The following KIF26B variants were observed in gnomAD, a reference collection of about 807,000 sequenced individuals.
KIF26B encodes the protein kinesin family member 26B.
A neutral mutation model predicts 151.2 loss-of-function variants in KIF26B; 63 were observed. The ratio of observed to expected loss-of-function variants is 0.42; its 90% CI spans 0.34 to 0.51. The LOEUF is 0.51. KIF26B is among the 20% of genes least tolerant of loss of function. The pLI is 0.07. For missense variants in KIF26B, 2,813 were observed against 2,913.6 expected, an observed-to-expected ratio of 0.97 and a Z score of 0.79; for synonymous variants, 1,357 against 1,262.1, an observed-to-expected ratio of 1.08 and a Z score of -1.59.
chr1:245,560,922 C>T lies in KIF26B; in HGVS notation c.1350+19972C>T, dbSNP rs1445714086. Among the ~76,000 whole-genome samples, 1 of 152,198 alleles carries T rather than the reference C, an allele frequency of 6.6e-6. No homozygotes were observed. Among genetic ancestry groups the T allele is most frequent in the Non-Finnish European group, 1.5e-5 (1 of 68,040 alleles). On this transcript the variant is annotated intron_variant, in intron 5 of 14. Transcript: ENST00000407071. This position sits in a 1 kb window ranked among gnomAD's most constrained non-coding sequence, Gnocchi z 4.3. ...ATTGCAGCCCCTAAGGGGAGCCGTGCTAAGGTGTGATACAGGCCATGCCCC... is the reference window on the plus strand; with the variant it reads ...ATTGCAGCCCCTAAGGGGAGCCGTGTTAAGGTGTGATACAGGCCATGCCCC...
At chr1:245,699,087 C>A in intron 14 of KIF26B, 50 bp downstream of exon 14, 2 of 1,580,446 alleles carry the variant, frequency 1.3e-6, no homozygotes, top group Non-Finnish European at 1.7e-6. Flanking sequence ...TTCACCTGCT[C>A]AACCGGGCTG....
intron 3 of KIF26B, among the ~76,000 whole-genome samples, chr1:245,374,837 C>T: frequency 6.6e-6 from 1 of 152,096 alleles, no homozygotes; most frequent in East Asian, 1.9e-4. Context: ...GGTGAAATTC[C>T]AAAAGGGTAG....
intron 4 of KIF26B, among the ~76,000 whole-genome samples, chr1:245,450,079 A>G (rs149895558): frequency 2.0e-5 from 3 of 152,198 alleles, no homozygotes; most frequent in Admixed American, 6.5e-5. Flanking sequence ...CTGAACTACA[A>G]TTGGTGTGTA....
rs567736167 is a variant in KIF26B at position 245,687,542 on chromosome 1, T to C, written c.4559T>C (p.Leu1520Ser). 1 of 1,568,588 alleles carries C rather than the reference T, an allele frequency of 6.4e-7. No individual in the cohort carries two copies. The highest frequency in any genetic ancestry group is 1.4e-5 in the African/African-American group (1 of 73,866). Residue 1520 changes from leucine (L) to serine (S), a missense_variant, in exon 12 of 15, where the codon TTG becomes TCG. Around this residue, in one of 3 missense-constraint regions of KIF26B, gnomAD observed 2,060 missense variants for 2,088.6 expected, o/e 0.99. Transcript: ENST00000407071. The surrounding 1 kb of genome is among the most constrained non-coding windows in gnomAD (Gnocchi z 4.9). ...VDGCEMALPG[L>S]ATQSPVHPNK... ...GGGTGTGAGATGGCCCTGCCCGGTT[T>C]GGCCACCCAGAGCCCCGTGCATCCC... is the stretch of plus-strand genomic sequence containing the variant.
Position 245,184,474 on chromosome 1 carries a change from A to G in KIF26B, c.465+27791A>G, listed in dbSNP as rs181951964. On this transcript the variant is annotated intron_variant, in intron 2 of 14. Transcript: ENST00000407071. The stretch of plus-strand genomic sequence containing the variant: ...GTCATCTGTGCACACAGGTACACAA[A>G]TGTGTCTTTATAATCTCTGGGGAAG... 2.0e-5 allele frequency among the ~76,000 whole-genome samples: 3 copies of G among 152,242 alleles called. 1 individual carries two copies. In the East Asian group the frequency reaches 5.8e-4, roughly 29 times the overall value.
At chr1:245,366,088 C>G (rs1301315279) in intron 2 of KIF26B, among the ~76,000 whole-genome samples, 1 of 152,214 alleles carries the variant, frequency 6.6e-6, no homozygotes, top group Non-Finnish European at 1.5e-5. Flanking sequence ...CTGCAACTAA[C>G]TTTCTGTGGT....
chr1:245,275,778 A>G (rs1236963143), intron 2 of KIF26B, among the ~76,000 whole-genome samples: 2 of 152,096 alleles, frequency 1.3e-5, no homozygotes, highest in African/African-American at 4.8e-5. Flanking sequence ...TCATTTTCCT[A>G]TCTAGCATCC....
intron 2 of KIF26B, among the ~76,000 whole-genome samples, chr1:245,280,362 A>C (rs1233705355): frequency 1.8e-5 from 2 of 109,552 alleles, no homozygotes; most frequent in African/African-American, 8.0e-5. Flanking sequence ...AATACAAAAA[A>C]TACAAAAAAA....
intron 2 of KIF26B, among the ~76,000 whole-genome samples, chr1:245,327,477 A>T (rs1002538084): frequency 6.6e-6 from 1 of 152,128 alleles, no homozygotes; most frequent in Non-Finnish European, 1.5e-5. Flanking sequence ...TCTGCTCCCC[A>T]AACTTTTAGC....
At chr1:245,325,112 GAAAA>G (rs1188471553) in intron 2 of KIF26B, among the ~76,000 whole-genome samples, 1 of 123,048 alleles carries the variant, frequency 8.1e-6, no homozygotes, top group African/African-American at 3.3e-5. Context: ...AAAAAAAAAA[GAAAA>G]AAAGAAAAAA....
intron 4 of KIF26B, among the ~76,000 whole-genome samples, chr1:245,500,339 C>T (rs746677451): frequency 9.9e-5 from 15 of 152,230 alleles, no homozygotes. Context: ...AACCCACAAA[C>T]TGATTCTGAA....
At chr1:245,348,748 C>G (rs1672507977) in intron 2 of KIF26B, among the ~76,000 whole-genome samples, 1 of 152,166 alleles carries the variant, frequency 6.6e-6, no homozygotes, top group East Asian at 1.9e-4. Flanking sequence ...CCAACCATCT[C>G]CCCTCCTCAT....
At chr1:245,677,795 G>GA (rs2044373876) in intron 10 of KIF26B, among the ~76,000 whole-genome samples, 1 of 152,230 alleles carries the variant, frequency 6.6e-6, no homozygotes, top group Non-Finnish European at 1.5e-5. Flanking sequence ...AAAATAAAGT[G>GA]ATTTTCCCTT....
intron 2 of KIF26B, among the ~76,000 whole-genome samples, chr1:245,260,814 CATT>C (rs1399227650): frequency 2.0e-5 from 3 of 152,230 alleles, no homozygotes; most frequent in South Asian, 4.1e-4. Context: ...AGACACACAT[CATT>C]AAGTTTCTGG....
chr1:245,322,099 T>A (rs1671896678), intron 2 of KIF26B, among the ~76,000 whole-genome samples: 1 of 152,132 alleles, frequency 6.6e-6, no homozygotes, highest in South Asian at 2.1e-4. Flanking sequence ...GAAACCATCA[T>A]TCTCAACAAA....
chr1:245,647,919 C>G (rs778726458), intron 10 of KIF26B, among the ~76,000 whole-genome samples: 5 of 152,112 alleles, frequency 3.3e-5, no homozygotes, highest in South Asian at 2.1e-4. Context: ...TTGTAACAAC[C>G]CTTTTCTATG....
intron 9 of KIF26B, among the ~76,000 whole-genome samples, chr1:245,632,685 A>G (rs1183292670): frequency 2.6e-5 from 4 of 152,194 alleles, no homozygotes; most frequent in Admixed American, 1.3e-4. Flanking sequence ...AGGCGGGCCA[A>G]TCACTTGAGC....
rs149732434 is a variant in KIF26B at position 245,367,726 on chromosome 1, G to A, written c.999+359G>A. On this transcript the variant is annotated intron_variant, in intron 3 of 14. Transcript: ENST00000407071. This position sits in a 1 kb window ranked among gnomAD's most constrained non-coding sequence, Gnocchi z 4.2. ...GAAGAGGTAGGCCACACAGATACTT[G>A]GACTGGGGTCCAAGCCCCGACTTGT... 6.6e-6 allele frequency among the ~76,000 whole-genome samples: 1 copy of A among 152,320 alleles called. No individual in the cohort carries two copies. Among genetic ancestry groups the A allele is most frequent in the East Asian group, 1.9e-4 (1 of 5,182 alleles).
intron 4 of KIF26B, among the ~76,000 whole-genome samples, chr1:245,438,605 C>G (rs677289): frequency 0.77 from 117,245 of 152,022 alleles, 45,402 homozygotes; most frequent in East Asian, 0.95. Flanking sequence ...ATGTTCATGG[C>G]AGTGTTATTC....
Sources: allele counts gnomAD v4.1 joint callset (sites outside exome capture counted in the v4.1 genomes callset), GRCh38; gene constraint gnomAD v4.1.1; regional missense constraint gnomAD v4.1.1; non-coding constraint Gnocchi (gnomAD v3.1); transcripts MANE v1.5; gene names NCBI Gene and HGNC (gene_info 2026-07-23, HGNC 2026-07-21).